ABCC5: variants seen among roughly 807,000 people sequenced by gnomAD.
ABCC5 encodes ATP binding cassette subfamily C member 5.
ABCC5 carries 61 observed loss-of-function variants against 160.9 expected under a neutral mutation model. That is an observed-to-expected ratio of 0.38 (90% CI 0.31 to 0.47). The LOEUF is 0.47. Ranked by LOEUF, ABCC5 falls within the 20% of genes least tolerant of loss-of-function variation. The probability of loss-of-function intolerance (pLI) is 0.99; values close to 1 mark genes in which losing one functional copy is unlikely to be tolerated. For missense variants in ABCC5, 1,308 were observed against 1,813.3 expected (o/e 0.72, Z 5.06); for synonymous variants, 666 against 700.6 (o/e 0.95, Z 0.78).
In ABCC5 at chr3:183,985,001, C is replaced by G. The variant is rs1041798488; in HGVS notation, c.592-1994G>C. On this transcript the variant is annotated intron_variant, in intron 5 of 29. Transcript: ENST00000334444. ...ATCAGCGCCTCCCAGATGGGAGGAG[C>G]AGGGAAGGTAAAAGACATAGTGAAT... is the stretch of plus-strand genomic sequence containing the variant. 31 of 953,618 alleles carry G rather than the reference C, an allele frequency of 3.3e-5. No individual in the cohort carries two copies. In the African/African-American group the frequency reaches 4.1e-4, roughly 13 times the overall value. The allele number at this position is 953,618 out of a possible 1,614,324, so 59.1% of individuals were successfully genotyped here. A position where few individuals can be genotyped will look rare whatever the true frequency, so the allele number is the denominator to read the frequency against.
At chr3:184,011,006 T>C (rs1240250921) in intron 2 of ABCC5, among the ~76,000 whole-genome samples, 1 of 152,066 alleles carries the variant, frequency 6.6e-6, no homozygotes, top group Non-Finnish European at 1.5e-5. Context: ...CCTCCCAAAG[T>C]GCTAGGATTA....
chr3:183,961,971 G>A (rs1716786177), intron 15 of ABCC5, among the ~76,000 whole-genome samples: 1 of 152,128 alleles, frequency 6.6e-6, no homozygotes, highest in African/African-American at 2.4e-5. Flanking sequence ...TAGTAGAGAC[G>A]GGGTTTTGCC....
chr3:183,997,046 T>C (rs1720343230), intron 2 of ABCC5, among the ~76,000 whole-genome samples: 1 of 152,192 alleles, frequency 6.6e-6, no homozygotes. Context: ...GACAGGTCTC[T>C]CAAAACAATA....
intron 15 of ABCC5, among the ~76,000 whole-genome samples, chr3:183,962,648 C>T (rs563601126): frequency 5.9e-5 from 9 of 151,800 alleles, no homozygotes; most frequent in Non-Finnish European, 1.3e-4. Flanking sequence ...TCTCCTGCCT[C>T]GGCCTCCTGA....
intron 17 of ABCC5, among the ~76,000 whole-genome samples, chr3:183,956,562 A>G (rs377067166): frequency 7.4e-5 from 11 of 148,334 alleles, no homozygotes; most frequent in Admixed American, 2.0e-4. Context: ...GGTTACATGC[A>G]GATCAGTGTG....
chr3:183,942,147 CT>C (rs1368990220), intron 25 of ABCC5, among the ~76,000 whole-genome samples: 1 of 151,986 alleles, frequency 6.6e-6, no homozygotes, highest in Non-Finnish European at 1.5e-5. Flanking sequence ...TCACGCCATT[CT>C]CCTGCCTCAG....
At chr3:183,997,102 T>C (rs1442605626) in intron 2 of ABCC5, among the ~76,000 whole-genome samples, 1 of 152,056 alleles carries the variant, frequency 6.6e-6, no homozygotes, top group East Asian at 1.9e-4. Flanking sequence ...AATGTTAACA[T>C]GAAAAATAAA....
chr3:184,002,028 T>C (rs1250862725), intron 2 of ABCC5, among the ~76,000 whole-genome samples: 1 of 152,176 alleles, frequency 6.6e-6, no homozygotes, highest in African/African-American at 2.4e-5. Flanking sequence ...GTGACTAGGA[T>C]ACTCAGCATT....
intron 26 of ABCC5, among the ~76,000 whole-genome samples, chr3:183,932,127 C>T (rs1351851470): frequency 6.6e-6 from 1 of 152,178 alleles, no homozygotes; most frequent in African/African-American, 2.4e-5. Context: ...CTGCAGTAAA[C>T]CATGCTGCCC....
At position 183,979,359 on chromosome 3, in the gene ABCC5, A is replaced by G. The variant is rs1306128811; in HGVS notation, c.1148-708T>C. 1.7e-4 allele frequency among the ~76,000 whole-genome samples: 26 copies of G among 151,620 alleles called. No homozygotes were observed. In the East Asian group the frequency reaches 4.6e-3, roughly 27 times the overall value. On this transcript the variant is annotated intron_variant, in intron 8 of 29. Transcript: ENST00000334444. ...GGCCTTATCTCAAAAAAAAAAAAAA[A>G]AGGGGCAGTGGGGAGGGAACTAACA...
rs1163078134 is a variant in ABCC5 at position 184,017,583 on chromosome 3, C to T, written c.-56+247G>A. 1.3e-5 allele frequency: 2 copies of T among 152,270 alleles called. No homozygotes were observed. Among genetic ancestry groups the T allele is most frequent in the Admixed American group, 6.5e-5 (1 of 15,268 alleles). 9.4% of individuals were successfully genotyped at this position (152,270 alleles called of 1,614,324 possible). Reference sequence around the variant, plus strand: ...CCAGGGACGTAGCCCGCGTCCCTGCCCGCTCATCCCGATCCTACCTGCCTG... The same window carrying T: ...CCAGGGACGTAGCCCGCGTCCCTGCTCGCTCATCCCGATCCTACCTGCCTG... On this transcript the variant is annotated intron_variant, in intron 1 of 29. Transcript: ENST00000334444. The surrounding 1 kb of genome is among the most constrained non-coding windows in gnomAD (Gnocchi z 4.5).
intron 5 of ABCC5, chr3:183,985,517 C>T: frequency 1.2e-6 from 1 of 800,710 alleles, no homozygotes; most frequent in African/African-American, 1.7e-5. Context: ...TTACACTGTC[C>T]TTTCCCCAAA....
chr3:183,982,457 T>G lies in ABCC5; in HGVS notation c.993A>C (p.Pro331=), dbSNP rs754922189. 6.2e-7 allele frequency: 1 copy of G among 1,613,584 alleles called. No individual in the cohort carries two copies. Among genetic ancestry groups the G allele is most frequent in the Admixed American group, 1.7e-5 (1 of 59,982 alleles). ...LGSAVFILFY[P]AMMFASRLTA... Reference sequence around the variant, plus strand: ...AGCTGGGAGGCTTACTCACCATTGCTGGGTAAAAGAGGATAAAAACAGCTG... The same window carrying G: ...AGCTGGGAGGCTTACTCACCATTGCGGGGTAAAAGAGGATAAAAACAGCTG... Residue 331 remains proline, a synonymous_variant, in exon 7 of 30, where the codon CCA becomes CCC. Coordinates refer to ENST00000334444, the MANE Select transcript of ABCC5 (RefSeq NM_005688.4). The surrounding 1 kb of genome is among the most constrained non-coding windows in gnomAD (Gnocchi z 5.2).
Position 183,942,844 on chromosome 3 carries a change from C to T in ABCC5, c.3577G>A (p.Val1193Met). 8 of 1,614,146 alleles carry T rather than the reference C, an allele frequency of 5.0e-6. No homozygotes were observed. Among genetic ancestry groups the T allele is most frequent in the Non-Finnish European group, 6.8e-6 (8 of 1,180,030 alleles). The change falls in exon 25 of 30, where the codon GTG becomes ATG. Residue 1193 changes from valine (V) to methionine (M), a missense_variant. Physicochemically the swap from Val to Met is conservative, Grantham distance 21. This residue lies in a region of ABCC5 where 1,142 missense variants were observed against 1,527.1 expected (regional missense o/e 0.75). Coordinates refer to ENST00000334444, the MANE Select transcript of ABCC5 (RefSeq NM_005688.4). ...PSPDWPQEGEVTFENAEMRYR... is the reference protein window; with the variant it reads ...PSPDWPQEGEMTFENAEMRYR... ...CTCATCTCTGCGTTCTCAAAGGTCA[C>T]CTCTCCCTCCTGGGGCCAGTCAGGG...
At chr3:183,962,473 C>CCA (rs1374182585) in intron 15 of ABCC5, among the ~76,000 whole-genome samples, 1 of 152,036 alleles carries the variant, frequency 6.6e-6, no homozygotes, top group Non-Finnish European at 1.5e-5. Flanking sequence ...ACTGAGAACC[C>CCA]CACTTCAGTG....
Position 183,988,066 on chromosome 3 carries a change from G to A in ABCC5, c.444-149C>T. 1.2e-6 allele frequency: 1 copy of A among 854,628 alleles called. No individual in the cohort carries two copies. The highest frequency in any genetic ancestry group is 1.7e-5 in the South Asian group (1 of 57,158). 52.9% of individuals were successfully genotyped at this position (854,628 alleles called of 1,614,324 possible). A position where few individuals can be genotyped will look rare whatever the true frequency, so the allele number is the denominator to read the frequency against. On this transcript the variant is annotated intron_variant, in intron 4 of 29. Transcript: ENST00000334444. This position sits in a 1 kb window ranked among gnomAD's most constrained non-coding sequence, Gnocchi z 4.4. ...TTATGTACATAGTCTTCACCTTCTG[G>A]GAAAAAATACCCTTCCTAGGGAACT...
chr3:184,017,506 A>G lies in ABCC5; in HGVS notation c.-56+324T>C, dbSNP rs1230752015. On this transcript the variant is annotated intron_variant, in intron 1 of 29. Transcript: ENST00000334444. This position sits in a 1 kb window ranked among gnomAD's most constrained non-coding sequence, Gnocchi z 4.5. ...CAGCCCGCTCCGGCCTGCCCAGGCG[A>G]GCGCGACCCACACCCACGGCCCGCG... The G allele has an allele frequency of 6.6e-6, 1 of 151,946 alleles. No individual in the cohort carries two copies. The highest frequency in any genetic ancestry group is 1.5e-5 in the Non-Finnish European group (1 of 67,994). The allele number at this position is 151,946 out of a possible 1,614,324, so 9.4% of individuals were successfully genotyped here. A position where few individuals can be genotyped will look rare whatever the true frequency, so the allele number is the denominator to read the frequency against.
intron 2 of ABCC5, among the ~76,000 whole-genome samples, chr3:184,003,393 G>A (rs867386728): frequency 6.6e-6 from 1 of 152,096 alleles, no homozygotes; most frequent in Non-Finnish European, 1.5e-5. Context: ...CCAGTGGGTT[G>A]TTATCACAAC....
intron 2 of ABCC5, among the ~76,000 whole-genome samples, chr3:183,995,285 A>T (rs1460155791): frequency 6.6e-6 from 1 of 152,112 alleles, no homozygotes; most frequent in Non-Finnish European, 1.5e-5. Context: ...AAAAGTTTGT[A>T]ATTTTGAAGT....
Sources: gnomAD v4.1 joint callset for allele counts (sites outside exome capture counted in the v4.1 genomes callset) on GRCh38, gnomAD v4.1.1 for gene constraint, gnomAD v4.1.1 regional missense constraint, Gnocchi (gnomAD v3.1) non-coding constraint, MANE v1.5 for transcripts, NCBI Gene and HGNC (gene_info 2026-07-23, HGNC 2026-07-21) for gene names.